Variants in PDE1A observed in about 807,000 individuals in gnomAD.
PDE1A encodes the protein dual specificity calcium/calmodulin-dependent 3',5'-cyclic nucleotide phosphodiesterase 1A.
In PDE1A, 35 loss-of-function variants were observed where a neutral mutation model predicts 61.7. The ratio of observed to expected loss-of-function variants is 0.57; its 90% CI spans 0.43 to 0.75. PDE1A has a LOEUF of 0.75. PDE1A is among the 30% of genes least tolerant of loss of function. PDE1A has a pLI of 0.00. For missense variants in PDE1A, 597 were observed against 630.6 expected (o/e 0.95, Z 0.57); for synonymous variants, 232 against 213.2 (o/e 1.09, Z -0.77).
chr2:182,410,173 G>A (rs1007799130), intron 1 of PDE1A, among the ~76,000 whole-genome samples: 9 of 151,996 alleles, frequency 5.9e-5, no homozygotes, highest in African/African-American at 2.2e-4. Flanking sequence ...GCAACATAGT[G>A]GGACCCTGTT....
chr2:182,233,120 A>G (rs1009358419), intron 4 of PDE1A, among the ~76,000 whole-genome samples: 1 of 152,212 alleles, frequency 6.6e-6, no homozygotes, highest in Non-Finnish European at 1.5e-5. Context: ...TTAAGCAAAA[A>G]TTCTTAAAAT....
intron 1 of PDE1A, among the ~76,000 whole-genome samples, chr2:182,321,061 G>A (rs1425971504): frequency 2.0e-5 from 3 of 152,040 alleles, no homozygotes; most frequent in Admixed American, 6.6e-5. Flanking sequence ...TCAACAAAAA[G>A]CAAAAAATAG....
At position 182,202,304 on chromosome 2, in the gene PDE1A, C is replaced by T. The variant is rs77270682; in HGVS notation, c.903-515G>A. On this transcript the variant is annotated intron_variant, in intron 8 of 13. Transcript: ENST00000351439. ...GATTTCAAGACCCTATCTGATTCTT[C>T]TTCATTTTGCATTTTTAATCAAAAC... Among the ~76,000 whole-genome samples the T allele has an allele frequency of 9.9e-3, 1,503 of 152,212 alleles. 25 individuals are homozygous for T. Among genetic ancestry groups the T allele is most frequent in the African/African-American group, 0.034 (1,406 of 41,532 alleles).
At chr2:182,394,945 G>A (rs1338448007) in intron 1 of PDE1A, among the ~76,000 whole-genome samples, 1 of 152,192 alleles carries the variant, frequency 6.6e-6, no homozygotes, top group Non-Finnish European at 1.5e-5. Context: ...AGACGCAGGG[G>A]TGGTGATTTC....
chr2:182,229,228 T>C (rs1460168498), intron 6 of PDE1A, among the ~76,000 whole-genome samples: 1 of 152,098 alleles, frequency 6.6e-6, no homozygotes, highest in Non-Finnish European at 1.5e-5. Flanking sequence ...TTTTAAATGA[T>C]GAAATTCTGG....
At chr2:182,404,893 G>T (rs1300871870) in intron 1 of PDE1A, among the ~76,000 whole-genome samples, 2 of 152,016 alleles carry the variant, frequency 1.3e-5, no homozygotes, top group Non-Finnish European at 2.9e-5. Flanking sequence ...TAAGTAGAAG[G>T]AATACTCTAT....
At chr2:182,566,379 C>T in the PDE1A span, among the ~76,000 whole-genome samples, 44 of 151,336 alleles carry the variant, frequency 2.9e-4, no homozygotes, top group East Asian at 2.9e-3. Flanking sequence ...ATCAATATTT[C>T]GAAATAATTA....
chr2:182,683,922 C>T, the PDE1A span, among the ~76,000 whole-genome samples: 1 of 151,864 alleles, frequency 6.6e-6, no homozygotes, highest in Non-Finnish European at 1.5e-5. Context: ...GAGATCGAGA[C>T]CAGCCAGACC....
At chr2:182,398,002 A>G (rs576587644) in intron 1 of PDE1A, among the ~76,000 whole-genome samples, 1 of 152,244 alleles carries the variant, frequency 6.6e-6, no homozygotes, top group African/African-American at 2.4e-5. Context: ...AGATGTTTAC[A>G]TGAGAGACAT....
At chr2:182,521,410 T>A (rs1690559172) in intron 2 of PDE1A, among the ~76,000 whole-genome samples, 1 of 152,060 alleles carries the variant, frequency 6.6e-6, no homozygotes, top group Non-Finnish European at 1.5e-5. Context: ...TACTAAGCAA[T>A]TACAACGGCC....
exon 14 of PDE1A, chr2:182,168,027 T>C: frequency 2.4e-6 from 3 of 1,243,598 alleles, no homozygotes; most frequent in South Asian, 3.8e-5. Context: ...GGTGCTGATG[T>C]AGCCACTAGA....
chr2:182,558,638 G>A, the PDE1A span, among the ~76,000 whole-genome samples: 17 of 152,168 alleles, frequency 1.1e-4, no homozygotes, highest in Non-Finnish European at 2.1e-4. Context: ...AATGGAAACT[G>A]TAAAAGTGAA....
intron 2 of PDE1A, among the ~76,000 whole-genome samples, chr2:182,442,026 A>G (rs1684830570): frequency 1.3e-5 from 2 of 152,100 alleles, no homozygotes; most frequent in Admixed American, 1.3e-4. Context: ...CCACTGGGTG[A>G]AAATTTGGTG....
At chr2:182,285,055 C>G (rs376515510) in intron 1 of PDE1A, among the ~76,000 whole-genome samples, 31 of 152,210 alleles carry the variant, frequency 2.0e-4, no homozygotes, top group African/African-American at 7.5e-4. Context: ...CTTGTACTTT[C>G]TCTTCATAGC....
At chr2:182,641,918 A>T in the PDE1A span, among the ~76,000 whole-genome samples, 1 of 152,210 alleles carries the variant, frequency 6.6e-6, no homozygotes, top group Non-Finnish European at 1.5e-5. Context: ...CTATCTGCAC[A>T]CTTTTCTAAT....
intron 13 of PDE1A, among the ~76,000 whole-genome samples, chr2:182,183,801 A>G (rs1684965656): frequency 6.6e-6 from 1 of 152,112 alleles, no homozygotes; most frequent in South Asian, 2.1e-4. Context: ...ATATCAACAG[A>G]GAAATAGACA....
the PDE1A span, among the ~76,000 whole-genome samples, chr2:182,586,065 A>G: frequency 2.0e-5 from 3 of 152,106 alleles, no homozygotes; most frequent in South Asian, 6.2e-4. Context: ...ATGTTTTCGC[A>G]TTTCCCATAT....
At chr2:182,183,107 G>T (rs748473114) in intron 13 of PDE1A, among the ~76,000 whole-genome samples, 1 of 152,020 alleles carries the variant, frequency 6.6e-6, no homozygotes. Context: ...CTCATATAGC[G>T]CTTAGTACTC....
chr2:182,334,518 C>T (rs1252488828), intron 1 of PDE1A, among the ~76,000 whole-genome samples: 4 of 152,106 alleles, frequency 2.6e-5, no homozygotes, highest in African/African-American at 9.7e-5. Context: ...GAACCAATGA[C>T]AAAAACCATA....
Sources: allele counts gnomAD v4.1 joint callset (sites outside exome capture counted in the v4.1 genomes callset), GRCh38; gene constraint gnomAD v4.1.1; transcripts MANE v1.5; gene names NCBI Gene and HGNC (gene_info 2026-07-23, HGNC 2026-07-21).